The following HERC2 variants were observed in gnomAD, a reference collection of about 807,000 sequenced individuals.
The protein encoded by HERC2 is HECT and RLD domain containing E3 ubiquitin protein ligase 2, also known as E3 ubiquitin-protein ligase HERC2.
A neutral mutation model predicts 537.7 loss-of-function variants in HERC2; 102 were observed. That is an observed-to-expected ratio of 0.19 (90% CI 0.16 to 0.22). The LOEUF (loss-of-function observed/expected upper bound fraction) is 0.22, where lower values mean the gene tolerates loss of function less well. HERC2 is among the 10% of genes least tolerant of loss of function. The probability of loss-of-function intolerance (pLI) is 1.00; values close to 1 mark genes in which losing one functional copy is unlikely to be tolerated. For synonymous variants in HERC2, 2,224 were observed against 2,466.2 expected, an observed-to-expected ratio of 0.90 and a Z score of 2.91; for missense variants, 4,236 against 6,198.2, an observed-to-expected ratio of 0.68 and a Z score of 10.63.
chr15:28,139,896 TAAA>T (rs758739007), intron 78 of HERC2, among the ~76,000 whole-genome samples: 1 of 125,894 alleles, frequency 7.9e-6, no homozygotes, highest in African/African-American at 3.2e-5. Context: ...CCATCTCTAC[TAAA>T]AAAAAAAAAA....
rs1002851129 is a variant in HERC2, at chr15:28,254,515, T to C, written c.2875A>G (p.Ile959Val). Residue 959 changes from isoleucine to valine, a missense_variant, in exon 20 of 93, where the codon ATT becomes GTT. Coordinates refer to ENST00000261609, the MANE Select transcript of HERC2 (RefSeq NM_004667.6). ...HAAITAEIQD[I>V]EAKKEAQKEK... ...TTCTGTGCTTCTTTTTTGGCTTCAATATCCTGTAATTCATAAAAAGAAATT... is the reference window on the plus strand; with the variant it reads ...TTCTGTGCTTCTTTTTTGGCTTCAACATCCTGTAATTCATAAAAAGAAATT... 3 of 1,583,766 alleles carry C rather than the reference T, an allele frequency of 1.9e-6. No homozygotes were observed. In the Admixed American group the frequency reaches 5.8e-5, roughly 31 times the overall value.
chr15:28,209,859 T>C (rs923692421), intron 44 of HERC2, among the ~76,000 whole-genome samples: 1 of 150,774 alleles, frequency 6.6e-6, no homozygotes, highest in South Asian at 2.1e-4. Context: ...AACATAAGAA[T>C]AGGTATTTTG....
At chr15:28,141,332 T>C (rs1891204571) in intron 78 of HERC2, 100 bp downstream of exon 78, 2 of 964,008 alleles carry the variant, frequency 2.1e-6, no homozygotes, top group Admixed American at 1.9e-5. Flanking sequence ...CTGAGAAACG[T>C]TTTAGTACAG....
At chr15:28,187,753 T>C (rs1349972882) in intron 55 of HERC2, among the ~76,000 whole-genome samples, 1 of 152,270 alleles carries the variant, frequency 6.6e-6, no homozygotes. Flanking sequence ...CATGTCATTT[T>C]ATTGTTGCCT....
chr15:28,217,138 ACACT>A (rs1900010595), intron 38 of HERC2, among the ~76,000 whole-genome samples: 2 of 152,136 alleles, frequency 1.3e-5, no homozygotes, highest in Admixed American at 1.3e-4. Context: ...ATACTTCCTC[ACACT>A]CACCAACCCT....
chr15:28,230,427 G>A lies in HERC2; in HGVS notation c.4749C>T (p.Cys1583=). The A allele has an allele frequency of 6.8e-7, 1 of 1,463,810 alleles. No individual in the cohort carries two copies. The allele number at this position is 1,463,810 out of a possible 1,614,324, so 90.7% of individuals were successfully genotyped here. Residue 1583 remains cysteine, a synonymous_variant, in exon 31 of 93, where the codon TGC becomes TGT. Coordinates refer to ENST00000261609, the MANE Select transcript of HERC2 (RefSeq NM_004667.6). The stretch of plus-strand genomic sequence containing the variant: ...CATTTATTGGACTATGAGGCAAAAT[G>A]CAAGCTTCTTCTAAATCACTCTCTT... ...GNEESDLEEA[C]ILPHSPINVD... is the part of the protein sequence containing the mutation.
chr15:28,238,011 A>G (rs1427616415), intron 25 of HERC2, 103 bp downstream of exon 25: 18 of 847,500 alleles, frequency 2.1e-5, no homozygotes, highest in Non-Finnish European at 3.5e-5. Context: ...ATGCCCCACA[A>G]AAGACCCAGA....
chr15:28,151,287 T>C (rs929351490), intron 70 of HERC2, among the ~76,000 whole-genome samples: 1 of 152,092 alleles, frequency 6.6e-6, no homozygotes, highest in Non-Finnish European at 1.5e-5. Context: ...ACAGACCCCA[T>C]ACTTTTGAAT....
Position 28,238,586 on chromosome 15 carries a change from A to C in HERC2, c.3748+16T>G. ...GGTTGTAACTTTTAACCAGGAAATA[A>C]CAAGTGTAATCTTACCAAGAATACT... On this transcript the variant is annotated intron_variant, in intron 24 of 92. Coordinates refer to ENST00000261609, the MANE Select transcript of HERC2 (RefSeq NM_004667.6). 6.3e-7 allele frequency: 1 copy of C among 1,599,292 alleles called. No individual in the cohort carries two copies. Among genetic ancestry groups the C allele is most frequent in the Non-Finnish European group, 8.5e-7 (1 of 1,169,650 alleles).
chr15:28,125,551 A>G (rs1406781788), intron 83 of HERC2, among the ~76,000 whole-genome samples: 1 of 152,270 alleles, frequency 6.6e-6, no homozygotes, highest in African/African-American at 2.4e-5. Context: ...GAATAATATT[A>G]GAACAGATAG....
At position 28,247,421 on chromosome 15, in the gene HERC2, CTTTTTTTTTTTTTT is replaced by C. The variant is rs71132843; in HGVS notation, c.3236-538_3236-525del. On this transcript the variant is annotated intron_variant, in intron 21 of 92. Coordinates refer to ENST00000261609, the MANE Select transcript of HERC2 (RefSeq NM_004667.6). ...CTTCAGTTTTTCTGTCTACATGGTT[CTTTTTTTTTTTTTT>C]TTTTTTTTTTGAGACCGAGTTTCAC... Among the ~76,000 whole-genome samples the C allele has an allele frequency of 1.3e-3, 96 of 76,196 alleles. 1 individual carries two copies. The highest frequency in any genetic ancestry group is 2.0e-3 in the Admixed American group (10 of 4,958). 50.0% of individuals were successfully genotyped at this position (76,196 alleles called of 152,430 possible). A position where few individuals can be genotyped will look rare whatever the true frequency, so the allele number is the denominator to read the frequency against.
intron 65 of HERC2, 38 bp from the exon 66 acceptor site, chr15:28,169,693 TCA>T (rs1224382310): frequency 6.3e-7 from 1 of 1,580,462 alleles, no homozygotes; most frequent in Non-Finnish European, 8.6e-7. Context: ...GTTTTTAAAA[TCA>T]CAGTTTGATC....
At chr15:28,124,937 G>T in intron 84 of HERC2, 69 bp downstream of exon 84, 1 of 1,436,888 alleles carries the variant, frequency 7.0e-7, no homozygotes. Flanking sequence ...AACACACAAC[G>T]ACAGGATGCA....
At chr15:28,241,940 A>T (rs183283016) in intron 23 of HERC2, among the ~76,000 whole-genome samples, 3 of 152,376 alleles carry the variant, frequency 2.0e-5, no homozygotes, top group African/African-American at 7.2e-5. Flanking sequence ...CAACTGATGG[A>T]TGGACAGCAA....
At chr15:28,152,630 T>C in intron 70 of HERC2, 47 bp downstream of exon 70, 1 of 1,470,622 alleles carries the variant, frequency 6.8e-7, no homozygotes, top group Non-Finnish European at 9.1e-7. Flanking sequence ...CACATCATTC[T>C]GAAGGTGGGA....
At chr15:28,269,175 A>G in intron 11 of HERC2, 73 bp downstream of exon 11, 2 of 1,210,252 alleles carry the variant, frequency 1.7e-6, no homozygotes, top group African/African-American at 1.5e-5. Context: ...AAGAAACACC[A>G]GAGCTTGTGC....
intron 25 of HERC2, 61 bp from the exon 26 acceptor site, chr15:28,237,174 A>G (rs1323728762): frequency 6.8e-6 from 10 of 1,480,400 alleles, no homozygotes; most frequent in Non-Finnish European, 9.4e-6. Flanking sequence ...ACATAAAACC[A>G]AAAGGACAGC....
chr15:28,303,950 G>A (rs1215453787), intron 2 of HERC2, among the ~76,000 whole-genome samples: 3 of 152,118 alleles, frequency 2.0e-5, no homozygotes, highest in African/African-American at 7.2e-5. Flanking sequence ...CGGATCACCT[G>A]AGGTCAGGAG....
chr15:28,115,509 TCCCG>T lies in HERC2; in HGVS notation c.13638_13641del (p.Gly4547ValfsTer3). 1 of 1,613,812 alleles carries T rather than the reference TCCCG, an allele frequency of 6.2e-7. No individual in the cohort carries two copies. The highest frequency in any genetic ancestry group is 8.5e-7 in the Non-Finnish European group (1 of 1,179,936). On this transcript the variant is annotated frameshift_variant, in exon 89 of 93. Coordinates refer to ENST00000261609, the MANE Select transcript of HERC2 (RefSeq NM_004667.6). LOFTEE classifies it high-confidence loss of function. The stretch of plus-strand genomic sequence containing the variant: ...TCGGCAAGGTTGAGGCTCAGGGGAC[TCCCG>T]GTTCGGATGGCAATGCCCAGCAACA...
Sources: gnomAD v4.1 joint callset for allele counts (sites outside exome capture counted in the v4.1 genomes callset) on GRCh38, gnomAD v4.1.1 for gene constraint, MANE v1.5 for transcripts, NCBI Gene and HGNC (gene_info 2026-07-23, HGNC 2026-07-21) for gene names.